The following GRB2 variants were observed in gnomAD, a reference collection of about 807,000 sequenced individuals.
GRB2 encodes growth factor receptor bound protein 2, also known as growth factor receptor-bound protein 2.
A neutral mutation model predicts 27.4 loss-of-function variants in GRB2; 2 were observed. The observed-to-expected ratio is 0.07, with a 90% CI of 0.03 to 0.23. The LOEUF (loss-of-function observed/expected upper bound fraction) is 0.23, where lower values mean the gene tolerates loss of function less well. Among genes scored for constraint, GRB2 ranks in the 10% least tolerant of loss-of-function variants. The pLI is 1.00. For synonymous variants in GRB2, 94 were observed against 99.6 expected, an observed-to-expected ratio of 0.94 and a Z score of 0.33; for missense variants, 102 against 282.4, an observed-to-expected ratio of 0.36 and a Z score of 4.58.
chr17:75,378,064 A>G (rs2078905420), intron 2 of GRB2, among the ~76,000 whole-genome samples: 1 of 152,096 alleles, frequency 6.6e-6, no homozygotes, highest in Admixed American at 6.5e-5. Context: ...TTCTGCCTCA[A>G]TAGTCTTAGT....
intron 1 of GRB2, among the ~76,000 whole-genome samples, chr17:75,401,317 C>A (rs551218302): frequency 1.3e-5 from 2 of 151,314 alleles, no homozygotes; most frequent in Admixed American, 1.3e-4. Flanking sequence ...CGGTGGCGGG[C>A]GCCTGTAGTC....
intron 2 of GRB2, among the ~76,000 whole-genome samples, chr17:75,387,990 CA>C (rs2078975638): frequency 6.6e-6 from 1 of 152,142 alleles, no homozygotes; most frequent in South Asian, 2.1e-4. Flanking sequence ...AGTTCATTCT[CA>C]GCACCTATTT....
chr17:75,399,854 T>G lies in GRB2; in HGVS notation c.-138+5635A>C, dbSNP rs193259178. Among the ~76,000 whole-genome samples the G allele has an allele frequency of 4.2e-3, 638 of 150,898 alleles. 4 individuals carry two copies. Among genetic ancestry groups the G allele is most frequent in the African/African-American group, 0.015 (600 of 40,950 alleles). On this transcript the variant is annotated intron_variant, in intron 1 of 5. Transcript: ENST00000316804. ...CCGGCTTATTTTTTTGTATTTTTAG[T>G]AGAGACATGGTTTCACCATGTTAGC...
intron 2 of GRB2, among the ~76,000 whole-genome samples, chr17:75,349,065 G>A (rs2078672138): frequency 6.6e-6 from 1 of 152,204 alleles, no homozygotes; most frequent in Non-Finnish European, 1.5e-5. Flanking sequence ...ACTTCAAATA[G>A]TCTAGGAATA....
Position 75,393,761 on chromosome 17 carries a change from C to G in GRB2, c.-133G>C. 3 of 686,332 alleles carry G rather than the reference C, an allele frequency of 4.4e-6. No individual in the cohort carries two copies. Among genetic ancestry groups the G allele is most frequent in the Non-Finnish European group, 7.7e-6 (3 of 387,672 alleles). 42.5% of individuals were successfully genotyped at this position (686,332 alleles called of 1,614,324 possible). A position where few individuals can be genotyped will look rare whatever the true frequency, so the allele number is the denominator to read the frequency against. On this transcript the variant is annotated 5_prime_UTR_variant, in exon 2 of 6. Transcript: ENST00000316804. Reference sequence around the variant, plus strand: ...CTCCGGCACTCTGGGACACACAATGCCACCCTGAAGCAGGAGAGGGACGAT... The same window carrying G: ...CTCCGGCACTCTGGGACACACAATGGCACCCTGAAGCAGGAGAGGGACGAT...
chr17:75,366,048 C>A (rs1048438385), intron 2 of GRB2, among the ~76,000 whole-genome samples: 1 of 151,962 alleles, frequency 6.6e-6, no homozygotes, highest in Non-Finnish European at 1.5e-5. Flanking sequence ...ATTTTAATAG[C>A]GGGAGGCAGA....
At chr17:75,366,240 C>T (rs2078818454) in intron 2 of GRB2, among the ~76,000 whole-genome samples, 1 of 152,120 alleles carries the variant, frequency 6.6e-6, no homozygotes, top group Admixed American at 6.5e-5. Context: ...TACCTTTCAA[C>T]GTTTCGATTA....
intron 1 of GRB2, among the ~76,000 whole-genome samples, chr17:75,402,542 T>G (rs1445785821): frequency 6.6e-6 from 1 of 152,226 alleles, no homozygotes; most frequent in African/African-American, 2.4e-5. Flanking sequence ...TATTTATGGC[T>G]GCATTTGGTA....
intron 2 of GRB2, among the ~76,000 whole-genome samples, chr17:75,376,271 G>C (rs1354787488): frequency 6.7e-6 from 1 of 149,590 alleles, no homozygotes; most frequent in Admixed American, 6.7e-5. Flanking sequence ...CTTGAACCTG[G>C]GAGGCAGACG....
intron 2 of GRB2, among the ~76,000 whole-genome samples, chr17:75,383,825 C>T (rs998183474): frequency 6.6e-6 from 1 of 152,126 alleles, no homozygotes; most frequent in African/African-American, 2.4e-5. Context: ...GCACTACAGC[C>T]TGGGTGACAG....
intron 2 of GRB2, among the ~76,000 whole-genome samples, chr17:75,346,288 G>A (rs1486081380): frequency 5.3e-5 from 8 of 151,836 alleles, no homozygotes; most frequent in Non-Finnish European, 1.2e-4. Context: ...GAGGTCAGGA[G>A]TTCAAGACCC....
intron 2 of GRB2, among the ~76,000 whole-genome samples, chr17:75,348,021 A>C (rs1161540670): frequency 6.6e-6 from 1 of 152,232 alleles, no homozygotes; most frequent in East Asian, 1.9e-4. Flanking sequence ...TAAAAGAGCC[A>C]AACAATTCTG....
At chr17:75,391,439 G>C (rs926712627) in intron 2 of GRB2, among the ~76,000 whole-genome samples, 2 of 152,248 alleles carry the variant, frequency 1.3e-5, no homozygotes, top group South Asian at 4.1e-4. Context: ...TTAAGTTAAA[G>C]AATTTATAAA....
chr17:75,379,893 T>A (rs2078916913), intron 2 of GRB2, among the ~76,000 whole-genome samples: 1 of 152,230 alleles, frequency 6.6e-6, no homozygotes, highest in African/African-American at 2.4e-5. Flanking sequence ...GCAATTTGTC[T>A]CATTAGTAAT....
intron 4 of GRB2, among the ~76,000 whole-genome samples, chr17:75,323,679 G>C (rs558853270): frequency 7.2e-5 from 11 of 152,172 alleles, no homozygotes; most frequent in Non-Finnish European, 1.5e-4. Context: ...CGAGCACGTG[G>C]CTGCCCCCGT....
At chr17:75,355,135 G>A (rs1410717487) in intron 2 of GRB2, among the ~76,000 whole-genome samples, 1 of 152,164 alleles carries the variant, frequency 6.6e-6, no homozygotes, top group Non-Finnish European at 1.5e-5. Context: ...TTTTGTCCCT[G>A]TTCCTAGCAA....
chr17:75,371,471 C>G (rs117700842), intron 2 of GRB2: 4,168 of 152,202 alleles, frequency 0.027, 100 homozygotes, highest in Non-Finnish European at 0.041. Flanking sequence ...TGTGAATTTC[C>G]TCCCTTCTTG....
Position 75,320,251 on chromosome 17 carries a change from AC to A in GRB2, c.*116del. On this transcript the variant is annotated 3_prime_UTR_variant, in exon 6 of 6. Coordinates refer to ENST00000316804, the MANE Select transcript of GRB2 (RefSeq NM_002086.5). This position sits in a 1 kb window ranked among gnomAD's most constrained non-coding sequence, Gnocchi z 4.3. ...ACCAAAGTGAGAGGGTCACAGGGTG[AC>A]CCGGCCAGGTGTTCTGCACTCCCTC... 1 of 879,738 alleles carries A rather than the reference AC, an allele frequency of 1.1e-6. No individual in the cohort carries two copies. The allele number at this position is 879,738 out of a possible 1,614,324, so 54.5% of individuals were successfully genotyped here. A position where few individuals can be genotyped will look rare whatever the true frequency, so the allele number is the denominator to read the frequency against.
At chr17:75,344,860 C>T (rs1005724850) in intron 2 of GRB2, among the ~76,000 whole-genome samples, 1 of 151,836 alleles carries the variant, frequency 6.6e-6, no homozygotes, top group Non-Finnish European at 1.5e-5. Flanking sequence ...TCCCAACCCC[C>T]CCGCCTGGGG....
Sources: gnomAD v4.1 joint callset for allele counts (sites outside exome capture counted in the v4.1 genomes callset) on GRCh38, gnomAD v4.1.1 for gene constraint, Gnocchi (gnomAD v3.1) non-coding constraint, MANE v1.5 for transcripts, NCBI Gene and HGNC (gene_info 2026-07-23, HGNC 2026-07-21) for gene names.